Variants in DGKB observed in about 807,000 individuals in gnomAD.
DGKB encodes diacylglycerol kinase beta.
Under a neutral mutation model 114.3 loss-of-function variants are expected in DGKB, and 67 were observed. The observed-to-expected ratio is 0.59, with a 90% confidence interval of 0.48 to 0.72. DGKB has a LOEUF of 0.72. DGKB is among the 30% of genes least tolerant of loss of function. The probability of loss-of-function intolerance (pLI) is 0.00; values close to 1 mark genes in which losing one functional copy is unlikely to be tolerated. For synonymous variants in DGKB, 398 were observed against 323.1 expected, an observed-to-expected ratio of 1.23 and a Z score of -2.49; for missense variants, 907 against 975.2, an observed-to-expected ratio of 0.93 and a Z score of 0.93.
At chr7:14,515,365 A>G (rs1017846736) in intron 20 of DGKB, among the ~76,000 whole-genome samples, 32 of 152,222 alleles carry the variant, frequency 2.1e-4, no homozygotes, top group African/African-American at 7.7e-4. Flanking sequence ...AGATCTCATA[A>G]TAAGGAAAAA....
chr7:14,902,002 G>C (rs1204602230), intron 1 of DGKB, among the ~76,000 whole-genome samples: 1 of 152,100 alleles, frequency 6.6e-6, no homozygotes, highest in African/African-American at 2.4e-5. Context: ...AAGAAACTGA[G>C]GGGACCCTCC....
chr7:14,912,155 T>C (rs377745605), intron 1 of DGKB, among the ~76,000 whole-genome samples: 60 of 152,246 alleles, frequency 3.9e-4, no homozygotes, highest in African/African-American at 1.3e-3. Flanking sequence ...AACCGGAATC[T>C]CTCTCTAGAA....
chr7:14,811,186 A>G (rs965957686), intron 2 of DGKB, among the ~76,000 whole-genome samples: 1 of 152,166 alleles, frequency 6.6e-6, no homozygotes, highest in African/African-American at 2.4e-5. Context: ...AATATTTATG[A>G]GCATAATCCC....
At chr7:14,224,592 T>C (rs1194699569) in intron 23 of DGKB, among the ~76,000 whole-genome samples, 1 of 151,984 alleles carries the variant, frequency 6.6e-6, no homozygotes, top group East Asian at 1.9e-4. Context: ...AACTTGACAC[T>C]TTAGGTAAAG....
chr7:14,745,243 A>G (rs1285087184), intron 4 of DGKB, among the ~76,000 whole-genome samples: 1 of 152,172 alleles, frequency 6.6e-6, no homozygotes, highest in Non-Finnish European at 1.5e-5. Flanking sequence ...ACTCCAAGCG[A>G]TCATGCAACC....
chr7:14,639,907 T>A (rs1427704011), intron 13 of DGKB, among the ~76,000 whole-genome samples: 2 of 152,210 alleles, frequency 1.3e-5, no homozygotes, highest in Non-Finnish European at 2.9e-5. Context: ...ATATCCATGT[T>A]ACAGTCAGAA....
chr7:14,362,283 C>A lies in DGKB; in HGVS notation c.1836-16892G>T, dbSNP rs530547990. On this transcript the variant is annotated intron_variant, in intron 21 of 25. Transcript: ENST00000402815. The stretch of plus-strand genomic sequence containing the variant: ...TCAAGAATTCATTGAACAACATATG[C>A]GAGCAGGACCTCTATTTCTTATTTA... Among the ~76,000 whole-genome samples the A allele has an allele frequency of 1.1e-3, 168 of 152,036 alleles. 1 individual carries two copies. Among genetic ancestry groups the A allele is most frequent in the African/African-American group, 3.9e-3 (163 of 41,488 alleles).
chr7:14,741,732 C>A (rs1332666347), intron 4 of DGKB, among the ~76,000 whole-genome samples: 1 of 152,186 alleles, frequency 6.6e-6, no homozygotes, highest in Non-Finnish European at 1.5e-5. Flanking sequence ...ACCTTGTATA[C>A]TCGCAGTTAA....
rs73680452 is a variant in DGKB at position 14,580,738 on chromosome 7, T to C, written c.1609+124A>G. On this transcript the variant is annotated intron_variant, in intron 19 of 25. Transcript: ENST00000402815. ...GACTATTGTTCAAAATCATATATTA[T>C]ATATACCACATCAGTTATCTTCACT... 308 of 595,456 alleles carry C rather than the reference T, an allele frequency of 5.2e-4. No individual in the cohort carries two copies. In the African/African-American group the frequency reaches 5.2e-3, roughly 10 times the overall value. 36.9% of individuals were successfully genotyped at this position (595,456 alleles called of 1,614,324 possible). A position where few individuals can be genotyped will look rare whatever the true frequency, so the allele number is the denominator to read the frequency against.
chr7:14,454,639 C>A (rs941494490), intron 21 of DGKB, among the ~76,000 whole-genome samples: 4 of 151,934 alleles, frequency 2.6e-5, no homozygotes, highest in Admixed American at 1.3e-4. Flanking sequence ...AATAATAAAG[C>A]TTTCAATGAA....
chr7:14,857,454 C>T (rs772574942), intron 1 of DGKB, among the ~76,000 whole-genome samples: 6 of 152,068 alleles, frequency 3.9e-5, no homozygotes, highest in Admixed American at 6.6e-5. Context: ...GAGAATTCAC[C>T]TACACCAGGC....
intron 21 of DGKB, among the ~76,000 whole-genome samples, chr7:14,443,330 C>T (rs1035984347): frequency 9.2e-5 from 14 of 151,986 alleles, no homozygotes; most frequent in African/African-American, 3.4e-4. Flanking sequence ...TTTATTCAGC[C>T]AATTTATTTT....
At chr7:14,588,097 T>C (rs565907830) in intron 17 of DGKB, among the ~76,000 whole-genome samples, 71 of 152,140 alleles carry the variant, frequency 4.7e-4, no homozygotes, top group Non-Finnish European at 7.2e-4. Context: ...CAATGTACAA[T>C]GGATGTGCTC....
intron 1 of DGKB, among the ~76,000 whole-genome samples, chr7:14,870,633 T>A (rs1852317039): frequency 6.6e-6 from 1 of 152,024 alleles, no homozygotes. Flanking sequence ...CCGTCTCTAC[T>A]AAAAATACAA....
At chr7:14,339,356 G>A (rs1487926131) in intron 22 of DGKB, among the ~76,000 whole-genome samples, 1 of 137,604 alleles carries the variant, frequency 7.3e-6, no homozygotes, top group Non-Finnish European at 1.6e-5. Flanking sequence ...AATATGGAGG[G>A]CCGGGTAGAT....
intron 13 of DGKB, among the ~76,000 whole-genome samples, chr7:14,664,917 G>A (rs559542034): frequency 4.6e-5 from 7 of 151,806 alleles, no homozygotes; most frequent in Admixed American, 1.3e-4. Flanking sequence ...AAGGAAAGAA[G>A]GCAGGAAGAA....
intron 20 of DGKB, among the ~76,000 whole-genome samples, chr7:14,556,117 C>T (rs960505393): frequency 4.6e-5 from 7 of 152,144 alleles, no homozygotes; most frequent in Non-Finnish European, 7.4e-5. Flanking sequence ...TTTCCGGTAA[C>T]AGGAATACAA....
intron 8 of DGKB, among the ~76,000 whole-genome samples, chr7:14,694,706 T>C (rs1370837880): frequency 6.8e-6 from 1 of 147,540 alleles, no homozygotes; most frequent in Non-Finnish European, 1.5e-5. Flanking sequence ...GACTTGCACG[T>C]AATGTCTTAA....
At chr7:14,691,866 A>G (rs1822928809) in intron 9 of DGKB, among the ~76,000 whole-genome samples, 1 of 151,900 alleles carries the variant, frequency 6.6e-6, no homozygotes, top group African/African-American at 2.4e-5. Context: ...TCTGATAGCT[A>G]TAATAAAACC....
Sources: gnomAD v4.1 joint callset for allele counts (sites outside exome capture counted in the v4.1 genomes callset) on GRCh38, gnomAD v4.1.1 for gene constraint, MANE v1.5 for transcripts, NCBI Gene and HGNC (gene_info 2026-07-23, HGNC 2026-07-21) for gene names.